The following PCDHAC1 variants were observed in gnomAD, a reference collection of about 807,000 sequenced individuals.
The protein encoded by PCDHAC1 is protocadherin alpha-C1.
PCDHAC1 carries 42 observed loss-of-function variants against 60.0 expected under a neutral mutation model. The observed-to-expected ratio is 0.70, with a 90% CI of 0.55 to 0.90. PCDHAC1 has a LOEUF of 0.90. PCDHAC1 is among the 40% of genes least tolerant of loss of function. The pLI is 0.00. For synonymous variants in PCDHAC1, 468 were observed against 499.3 expected (o/e 0.94, Z 0.84); for missense variants, 1,160 against 1,222.3 (o/e 0.95, Z 0.76).
intron 3 of PCDHAC1, among the ~76,000 whole-genome samples, chr5:140,993,108 G>A (rs1554253416): frequency 6.6e-6 from 1 of 152,202 alleles, no homozygotes; most frequent in African/African-American, 2.4e-5. Flanking sequence ...TCAGCGGTCA[G>A]TGTCACATCA....
intron 1 of PCDHAC1, among the ~76,000 whole-genome samples, chr5:140,941,214 C>CTTTCTTT (rs1554214039): frequency 0.058 from 7,135 of 122,220 alleles, 362 homozygotes; most frequent in South Asian, 0.079. Context: ...TTTCTTTCTT[C>CTTTCTTT]CTTTCTTTCT....
intron 1 of PCDHAC1, among the ~76,000 whole-genome samples, chr5:140,940,983 C>T (rs572659107): frequency 6.6e-6 from 1 of 152,176 alleles, no homozygotes; most frequent in Non-Finnish European, 1.5e-5. Context: ...TATCTAGTTA[C>T]AAGTTTATAG....
chr5:140,954,161 C>G (rs2094990748), intron 1 of PCDHAC1, among the ~76,000 whole-genome samples: 1 of 152,200 alleles, frequency 6.6e-6, no homozygotes, highest in African/African-American at 2.4e-5. Context: ...ATATGTACCA[C>G]ATTTTCTTTA....
At position 141,001,667 on chromosome 5, in the gene PCDHAC1, A is replaced by G. The variant is rs949508860; in HGVS notation, c.2582-7960A>G. ...GTGTGGGAGAAGGCGGAGCTTGTCC[A>G]GTCGGTCCAACAAACCCCACAGATG... is the stretch of plus-strand genomic sequence containing the variant. On this transcript the variant is annotated intron_variant, in intron 3 of 3. Coordinates refer to ENST00000253807, the MANE Select transcript of PCDHAC1 (RefSeq NM_018898.5). Among the ~76,000 whole-genome samples, 9 of 152,268 alleles carry G rather than the reference A, an allele frequency of 5.9e-5. 1 individual carries two copies. In the East Asian group the frequency reaches 1.7e-3, roughly 29 times the overall value.
chr5:140,982,677 C>T, intron 3 of PCDHAC1, 114 bp downstream of exon 3: 1 of 1,439,238 alleles, frequency 6.9e-7, no homozygotes, highest in Non-Finnish European at 9.1e-7. Flanking sequence ...TTTTGTTATT[C>T]CCTTTTTTCC....
intron 3 of PCDHAC1, among the ~76,000 whole-genome samples, chr5:141,007,362 G>A (rs1554261189): frequency 6.8e-6 from 1 of 146,590 alleles, no homozygotes; most frequent in Non-Finnish European, 1.5e-5. Context: ...ACCAGCCTGG[G>A]CAACATGATG....
At chr5:140,944,746 A>G (rs1009788923) in intron 1 of PCDHAC1, among the ~76,000 whole-genome samples, 6 of 152,214 alleles carry the variant, frequency 3.9e-5, no homozygotes, top group African/African-American at 1.4e-4. Context: ...GAGCATTTAC[A>G]TGGAAAAAAT....
chr5:140,926,959 G>A lies in PCDHAC1; in HGVS notation c.67G>A (p.Glu23Lys). 1 of 1,604,022 alleles carries A rather than the reference G, an allele frequency of 6.2e-7. No homozygotes were observed. The highest frequency in any genetic ancestry group is 8.5e-7 in the Non-Finnish European group (1 of 1,173,340). Residue 23 changes from glutamate to lysine, a missense_variant, in exon 1 of 4, where the codon GAG becomes AAG. Transcript: ENST00000253807. ...VSCGAAAGQL[E>K]YSVPEETERG... ...CTGCGGCGCTGCAGCGGGACAGCTC[G>A]AGTACTCAGTGCCGGAGGAGACGGA... is the stretch of plus-strand genomic sequence containing the variant.
chr5:140,988,075 A>G (rs139957067), intron 3 of PCDHAC1, among the ~76,000 whole-genome samples: 4 of 152,258 alleles, frequency 2.6e-5, no homozygotes, highest in Non-Finnish European at 4.4e-5. Flanking sequence ...TTTCTATTTC[A>G]TGAGTGAGTG....
At chr5:141,006,950 T>G (rs1169196116) in intron 3 of PCDHAC1, among the ~76,000 whole-genome samples, 1 of 152,148 alleles carries the variant, frequency 6.6e-6, no homozygotes, top group African/African-American at 2.4e-5. Flanking sequence ...AGATAGGCAG[T>G]TATACATGAG....
intron 1 of PCDHAC1, among the ~76,000 whole-genome samples, chr5:140,971,717 T>C (rs2096494226): frequency 6.6e-6 from 1 of 152,012 alleles, no homozygotes; most frequent in Non-Finnish European, 1.5e-5. Flanking sequence ...TATAGATATA[T>C]GTATATCATA....
chr5:140,939,280 C>T (rs985518425), intron 1 of PCDHAC1, among the ~76,000 whole-genome samples: 1 of 152,064 alleles, frequency 6.6e-6, no homozygotes, highest in Non-Finnish European at 1.5e-5. Flanking sequence ...GCTGTGCCCT[C>T]GTGATCTAAT....
intron 1 of PCDHAC1, among the ~76,000 whole-genome samples, chr5:140,938,121 A>C (rs981387543): frequency 6.6e-6 from 1 of 151,892 alleles, no homozygotes; most frequent in South Asian, 2.1e-4. Flanking sequence ...CTCTTTTTTT[A>C]AAAAAATAGA....
At chr5:140,929,492 G>A in intron 1 of PCDHAC1, 167 bp downstream of exon 1, 1 of 1,062,164 alleles carries the variant, frequency 9.4e-7, no homozygotes, top group Non-Finnish European at 1.3e-6. Context: ...AGTATTAGAA[G>A]ATTGCCCTAG....
At chr5:140,981,748 G>C (rs975887463) in intron 2 of PCDHAC1, among the ~76,000 whole-genome samples, 28 of 151,686 alleles carry the variant, frequency 1.8e-4, no homozygotes, top group African/African-American at 6.8e-4. Context: ...ATATGAGTTA[G>C]TATTAGACAT....
intron 1 of PCDHAC1, among the ~76,000 whole-genome samples, chr5:140,961,949 T>G (rs868952671): frequency 2.0e-5 from 3 of 151,876 alleles, no homozygotes; most frequent in Non-Finnish European, 4.4e-5. Context: ...AGTGGCATGA[T>G]CTCGGCTCAC....
At chr5:140,969,309 A>G in intron 1 of PCDHAC1, 2 of 1,614,212 alleles carry the variant, frequency 1.2e-6, no homozygotes, top group Non-Finnish European at 1.7e-6. Context: ...ATTCTCAAAA[A>G]TGAGGCTGTT....
At position 140,994,426 on chromosome 5, in the gene PCDHAC1, G is replaced by A. The variant is rs994056098; in HGVS notation, c.2581+11863G>A. Among the ~76,000 whole-genome samples the A allele has an allele frequency of 3.9e-5, 6 of 152,110 alleles. No homozygotes were observed. In the East Asian group the frequency reaches 1.2e-3, roughly 29 times the overall value. ...CATTTAATACTGGATATTGAGGCCG[G>A]GCGCAGTGGCTCACACCTGTGATCC... On this transcript the variant is annotated intron_variant, in intron 3 of 3. Coordinates refer to ENST00000253807, the MANE Select transcript of PCDHAC1 (RefSeq NM_018898.5).
chr5:140,981,185 T>C (rs2096921770), intron 2 of PCDHAC1, among the ~76,000 whole-genome samples: 1 of 152,224 alleles, frequency 6.6e-6, no homozygotes. Flanking sequence ...TAGTTCAAGT[T>C]TGCCTGCTCT....
Sources: gnomAD v4.1 joint callset for allele counts (sites outside exome capture counted in the v4.1 genomes callset) on GRCh38, gnomAD v4.1.1 for gene constraint, MANE v1.5 for transcripts, NCBI Gene and HGNC (gene_info 2026-07-23, HGNC 2026-07-21) for gene names.